The following FAM234A variants were observed in gnomAD, a reference collection of about 807,000 sequenced individuals.
FAM234A encodes family with sequence similarity 234 member A, also known as protein FAM234A.
Under a neutral mutation model 49.1 loss-of-function variants are expected in FAM234A, and 42 were observed. The observed-to-expected ratio is 0.86, with a 90% CI of 0.67 to 1.11. The LOEUF is 1.11. Ranked by LOEUF, FAM234A falls within the 50% of genes least tolerant of loss-of-function variation. FAM234A has a pLI of 0.00. For missense variants in FAM234A, 815 were observed against 745.2 expected (o/e 1.09, Z -1.09); for synonymous variants, 369 against 316.2 (o/e 1.17, Z -1.77).
chr16:238,314 C>T (rs1184790886), intron 1 of FAM234A, among the ~76,000 whole-genome samples: 8 of 152,186 alleles, frequency 5.3e-5, no homozygotes, highest in Admixed American at 2.0e-4. Context: ...CCACCGCCCC[C>T]GCCCCTGTCC....
At chr16:252,185 G>GTTT (rs35208632) in intron 2 of FAM234A, among the ~76,000 whole-genome samples, 1 of 119,838 alleles carries the variant, frequency 8.3e-6, no homozygotes, top group Non-Finnish European at 1.7e-5. Context: ...TCTGTTTTTT[G>GTTT]TTTTTTTTTT....
At chr16:258,364 G>A (rs1302772724) in intron 3 of FAM234A, among the ~76,000 whole-genome samples, 1 of 152,130 alleles carries the variant, frequency 6.6e-6, no homozygotes, top group African/African-American at 2.4e-5. Flanking sequence ...CTCTTAACGA[G>A]CATGCTGCCT....
At chr16:256,959 C>G (rs1302680357) in intron 3 of FAM234A, among the ~76,000 whole-genome samples, 1 of 152,186 alleles carries the variant, frequency 6.6e-6, no homozygotes, top group Non-Finnish European at 1.5e-5. Flanking sequence ...TCAGGCTGGT[C>G]TTGAATTCCC....
intron 3 of FAM234A, among the ~76,000 whole-genome samples, chr16:258,764 G>A (rs2051339842): frequency 6.6e-6 from 1 of 152,214 alleles, no homozygotes; most frequent in South Asian, 2.1e-4. Flanking sequence ...CCCGGAGGGG[G>A]CAGCTGGGCC....
downstream of FAM234A, among the ~76,000 whole-genome samples, chr16:266,434 C>T (rs548110360): frequency 1.6e-4 from 25 of 152,230 alleles, no homozygotes; most frequent in Admixed American, 8.5e-4. Context: ...TGGAGTCCAG[C>T]GTGAAGGGAT....
At chr16:236,052 A>C (rs2050389417) in intron 1 of FAM234A, among the ~76,000 whole-genome samples, 1 of 151,966 alleles carries the variant, frequency 6.6e-6, no homozygotes, top group Non-Finnish European at 1.5e-5. Context: ...ACTCGGGTTC[A>C]AGCGATTCTC....
intron 1 of FAM234A, chr16:248,267 T>C (rs1369966321): frequency 1.3e-5 from 2 of 152,064 alleles, no homozygotes; most frequent in Non-Finnish European, 2.9e-5. Flanking sequence ...ATGGGGGAAA[T>C]GTTTGTCCTT....
In FAM234A at chr16:254,651, C is replaced by T. The variant is rs773843860; in HGVS notation, c.238C>T (p.Arg80Ter). ...GTGTCCAGACCGGCCGGCGTCACAG[C>T]GAATGTGGAGGATAGACTACAGTGC... is the stretch of plus-strand genomic sequence containing the variant. The part of the protein sequence containing the change: ...IPCPDRPASQ[R>*]MWRIDYSAAV... Residue 80 changes from arginine to a stop codon, truncating the protein, a stop_gained, in exon 3 of 13, where the codon CGA becomes TGA. Transcript: ENST00000399932. LOFTEE classifies it high-confidence loss of function. 7.0e-5 allele frequency: 113 copies of T among 1,613,874 alleles called. No individual in the cohort carries two copies. The highest frequency in any genetic ancestry group is 9.2e-5 in the Non-Finnish European group (109 of 1,180,032).
intron 1 of FAM234A, among the ~76,000 whole-genome samples, chr16:235,662 T>A (rs1410287039): frequency 1.3e-5 from 2 of 152,178 alleles, no homozygotes; most frequent in Non-Finnish European, 2.9e-5. Context: ...AGCATCAGAT[T>A]ACACTACTTC....
chr16:264,825 C>G lies in FAM234A; in HGVS notation c.1462C>G (p.Pro488Ala). ...IVAFDAVLFE[P>A]SRHAAYILLT... is the part of the protein sequence containing the mutation. The stretch of plus-strand genomic sequence containing the variant: ...CCACCCTGCAGCCGTCCTGTTTGAG[C>G]CAAGCCGCCACGCCGCCTACATCCT... Residue 488 changes from proline (P) to alanine (A), a missense_variant, in exon 13 of 13, where the codon CCA becomes GCA. Pro to Ala is a conservative substitution (Grantham distance 27, BLOSUM62 -1). Coordinates refer to ENST00000399932, the MANE Select transcript of FAM234A (RefSeq NM_032039.4). The G allele has an allele frequency of 1.9e-6, 3 of 1,610,086 alleles. No homozygotes were observed. The highest frequency in any genetic ancestry group is 2.5e-6 in the Non-Finnish European group (3 of 1,179,554).
chr16:269,147 C>T (rs113827075), downstream of FAM234A: 450 of 924,150 alleles, frequency 4.9e-4, no homozygotes, highest in African/African-American at 6.6e-3. Context: ...GCCCCCTGGG[C>T]ACAAGGGGAC....
At chr16:263,844 C>T (rs529206638) in intron 10 of FAM234A, 69 bp downstream of exon 10, 190 of 1,450,664 alleles carry the variant, frequency 1.3e-4, no homozygotes, top group Middle Eastern at 6.9e-4. Context: ...TGAAAGCAGA[C>T]GGGGCTGCGG....
intron 1 of FAM234A, among the ~76,000 whole-genome samples, chr16:236,633 G>A (rs1362822925): frequency 1.3e-4 from 20 of 150,290 alleles, no homozygotes; most frequent in Admixed American, 1.1e-3. Flanking sequence ...TAGGCCGGGC[G>A]CGGTGGCTCA....
chr16:250,769 T>G (rs556298173), intron 2 of FAM234A, among the ~76,000 whole-genome samples: 1 of 152,290 alleles, frequency 6.6e-6, no homozygotes, highest in Non-Finnish European at 1.5e-5. Context: ...CCTGCCTCTG[T>G]GGATTTGCCT....
chr16:255,325 G>A (rs2051189606), intron 3 of FAM234A, among the ~76,000 whole-genome samples: 4 of 152,198 alleles, frequency 2.6e-5, no homozygotes, highest in Admixed American at 1.3e-4. Flanking sequence ...GTAGAGTTAT[G>A]TAGCTGTCAG....
intron 1 of FAM234A, among the ~76,000 whole-genome samples, chr16:245,035 C>T (rs915102839): frequency 2.6e-5 from 4 of 151,976 alleles, no homozygotes; most frequent in African/African-American, 9.7e-5. Context: ...TACTGCAGAC[C>T]TGTTATCGTA....
intron 1 of FAM234A, among the ~76,000 whole-genome samples, chr16:238,520 C>G (rs926451812): frequency 6.6e-6 from 1 of 151,612 alleles, no homozygotes; most frequent in African/African-American, 2.4e-5. Flanking sequence ...TAATCCCAGC[C>G]CTTTGGGAGG....
rs369885031 is a variant in FAM234A, at chr16:264,745, G to A, written c.1447+29G>A. ...AGTGTGGCCTCGGCCAGGGACCCGG[G>A]TGTTCCGCGGGGTCTGCCCTGGCTG... On this transcript the variant is annotated intron_variant, in intron 12 of 12. Transcript: ENST00000399932. 3.7e-6 allele frequency: 6 copies of A among 1,607,870 alleles called. No homozygotes were observed. In the African/African-American group the frequency reaches 5.3e-5, roughly 14 times the overall value.
intron 2 of FAM234A, among the ~76,000 whole-genome samples, chr16:253,564 T>G (rs2051104265): frequency 6.6e-6 from 1 of 151,890 alleles, no homozygotes; most frequent in Non-Finnish European, 1.5e-5. Flanking sequence ...AAGCTCCGCC[T>G]CCCGGGTTCA....
Sources: allele counts gnomAD v4.1 joint callset (sites outside exome capture counted in the v4.1 genomes callset), GRCh38; gene constraint gnomAD v4.1.1; transcripts MANE v1.5; gene names NCBI Gene and HGNC (gene_info 2026-07-23, HGNC 2026-07-21).